Variants in CPE observed in about 807,000 individuals in gnomAD.
The protein encoded by CPE is carboxypeptidase E, also known as carbocypeptidase E.
Under a neutral mutation model 53.5 loss-of-function variants are expected in CPE, and 17 were observed. The observed-to-expected ratio is 0.32, with a 90% confidence interval of 0.22 to 0.48. The LOEUF (loss-of-function observed/expected upper bound fraction) is 0.48. CPE is among the 20% of genes least tolerant of loss of function. CPE has a pLI of 0.99. For missense variants in CPE, 524 were observed against 614.7 expected (o/e 0.85, Z 1.56); for synonymous variants, 226 against 228.8 (o/e 0.99, Z 0.11).
chr4:165,497,079 G>A (rs1732715250), intron 8 of CPE, among the ~76,000 whole-genome samples: 1 of 152,022 alleles, frequency 6.6e-6, no homozygotes, highest in African/African-American at 2.4e-5. Context: ...GCGCCACCGT[G>A]CCCGGCTAAT....
At chr4:165,397,808 A>G (rs1730793360) in intron 1 of CPE, among the ~76,000 whole-genome samples, 1 of 151,960 alleles carries the variant, frequency 6.6e-6, no homozygotes, top group Non-Finnish European at 1.5e-5. Context: ...TGGGAGGCCA[A>G]CGTGGGAGGA....
chr4:165,405,543 G>A, intron 1 of CPE: 2 of 946,804 alleles, frequency 2.1e-6, no homozygotes, highest in Non-Finnish European at 3.5e-6. Flanking sequence ...CTGACAAATG[G>A]AATAGTCATG....
chr4:165,426,914 C>T (rs1419248878), intron 1 of CPE, among the ~76,000 whole-genome samples: 1 of 152,134 alleles, frequency 6.6e-6, no homozygotes, highest in African/African-American at 2.4e-5. Context: ...AGAGAGCGGG[C>T]CTGAAAGAGA....
chr4:165,445,550 A>T (rs1731698314), intron 1 of CPE, among the ~76,000 whole-genome samples: 1 of 152,222 alleles, frequency 6.6e-6, no homozygotes, highest in Admixed American at 6.5e-5. Context: ...ACAGAAGTAG[A>T]AAAATGTTCT....
Position 165,467,689 on chromosome 4 carries a change from C to G in CPE, c.506C>G (p.Pro169Arg), listed in dbSNP as rs898866656. 2.0e-5 allele frequency: 32 copies of G among 1,563,306 alleles called. No homozygotes were observed. The highest frequency in any genetic ancestry group is 2.8e-5 in the Non-Finnish European group (32 of 1,161,168). The change falls in exon 3 of 9, where the codon CCT becomes CGT. Residue 169 changes from proline (P) to arginine (R), a missense_variant and splice_region_variant. By Grantham distance (103) the Pro-to-Arg change is moderately radical. Transcript: ENST00000402744. Reference protein sequence around the residue: ...PDGFEKAASQPGELKDWFVGR... With the variant: ...PDGFEKAASQRGELKDWFVGR... ...TCTCTTTGACTTTTTTTTTTTTAGC[C>G]TGGTGAACTCAAGGACTGGTTTGTG...
intron 1 of CPE, among the ~76,000 whole-genome samples, chr4:165,424,696 G>C (rs1579255137): frequency 6.6e-6 from 1 of 151,860 alleles, no homozygotes; most frequent in East Asian, 1.9e-4. Context: ...ACCACGCCCG[G>C]CTAATTTTTT....
intron 1 of CPE, among the ~76,000 whole-genome samples, chr4:165,392,150 T>G (rs528920774): frequency 3.3e-5 from 5 of 149,916 alleles, no homozygotes; most frequent in Admixed American, 1.3e-4. Context: ...ACGGTAAAAC[T>G]ATTTGGGATG....
chr4:165,482,935 T>C (rs1732439738), intron 4 of CPE, among the ~76,000 whole-genome samples: 1 of 152,180 alleles, frequency 6.6e-6, no homozygotes, highest in Admixed American at 6.5e-5. Context: ...GGGAATTTCC[T>C]GCTTTGGATC....
intron 1 of CPE, among the ~76,000 whole-genome samples, chr4:165,415,781 T>C (rs946497839): frequency 1.3e-5 from 2 of 152,066 alleles, no homozygotes; most frequent in Non-Finnish European, 1.5e-5. Context: ...ATACATATAG[T>C]ACATATTTGT....
At chr4:165,489,738 A>T (rs73863707) in intron 6 of CPE, among the ~76,000 whole-genome samples, 6,301 of 152,344 alleles carry the variant, frequency 0.041, 397 homozygotes, top group African/African-American at 0.14. Context: ...ACCATCAGGA[A>T]AAAGGAGATT....
intron 6 of CPE, among the ~76,000 whole-genome samples, chr4:165,491,618 T>A (rs1732606878): frequency 6.6e-6 from 1 of 152,338 alleles, no homozygotes; most frequent in East Asian, 1.9e-4. Context: ...CTTAAATTTT[T>A]AAAAATATAT....
intron 5 of CPE, 57 bp from the exon 6 acceptor site, chr4:165,487,381 G>C: frequency 6.2e-7 from 1 of 1,605,442 alleles, no homozygotes; most frequent in Non-Finnish European, 8.5e-7. Context: ...AGACTAGCCT[G>C]TGTAGAGTTT....
At chr4:165,431,534 A>T (rs1560880196) in intron 1 of CPE, among the ~76,000 whole-genome samples, 1 of 152,196 alleles carries the variant, frequency 6.6e-6, no homozygotes, top group Non-Finnish European at 1.5e-5. Flanking sequence ...AGCTCCCTTA[A>T]GTAAGGACAC....
intron 1 of CPE, among the ~76,000 whole-genome samples, chr4:165,415,846 C>G (rs1366961458): frequency 6.6e-6 from 1 of 150,836 alleles, no homozygotes; most frequent in Admixed American, 6.6e-5. Context: ...TATAGAAGTC[C>G]TGTGTCTTCC....
chr4:165,457,914 C>T (rs1052173631), intron 1 of CPE, among the ~76,000 whole-genome samples: 4 of 152,088 alleles, frequency 2.6e-5, no homozygotes, highest in African/African-American at 9.7e-5. Flanking sequence ...TTATTGGACC[C>T]CTGGTGACTT....
rs144727363 is a variant in CPE at position 165,467,748 on chromosome 4, C to T, written c.565C>T (p.Arg189Trp). ...CAATGCCCAGGGAATAGATCTGAACCGGAACTTTCCAGACCTGGATAGGAT... is the reference window on the plus strand; with the variant it reads ...CAATGCCCAGGGAATAGATCTGAACTGGAACTTTCCAGACCTGGATAGGAT... ...RSNAQGIDLN[R>W]NFPDLDRIVY... Residue 189 changes from arginine (R) to tryptophan (W), a missense_variant, in exon 3 of 9, where the codon CGG becomes TGG. Transcript: ENST00000402744. 1.9e-5 allele frequency: 30 copies of T among 1,613,176 alleles called. No individual in the cohort carries two copies. Among genetic ancestry groups the T allele is most frequent in the African/African-American group, 2.7e-5 (2 of 74,814 alleles).
rs1343586449 is a variant in CPE, at chr4:165,481,273, T to C, written c.673-969T>C. On this transcript the variant is annotated intron_variant, in intron 3 of 8. Transcript: ENST00000402744. ...AACTTTCAGATTCCTCCTTGTGAAA[T>C]GGGTATGAATATCTTTGCATATCCA... is the stretch of plus-strand genomic sequence containing the variant. 5.3e-5 allele frequency among the ~76,000 whole-genome samples: 8 copies of C among 152,298 alleles called. No individual in the cohort carries two copies. In the East Asian group the frequency reaches 1.5e-3, roughly 29 times the overall value.
chr4:165,392,104 G>A (rs528214639), intron 1 of CPE, among the ~76,000 whole-genome samples: 1 of 151,244 alleles, frequency 6.6e-6, no homozygotes, highest in East Asian at 1.9e-4. Flanking sequence ...GCAGTTTTGG[G>A]GGTGCTGTGC....
intron 1 of CPE, among the ~76,000 whole-genome samples, chr4:165,428,675 C>G (rs1731361141): frequency 1.3e-5 from 2 of 152,160 alleles, no homozygotes; most frequent in South Asian, 4.1e-4. Flanking sequence ...ATCAGAGTCT[C>G]TAAGGGAGAA....
Sources: allele counts gnomAD v4.1 joint callset (sites outside exome capture counted in the v4.1 genomes callset), GRCh38; gene constraint gnomAD v4.1.1; transcripts MANE v1.5; gene names NCBI Gene and HGNC (gene_info 2026-07-23, HGNC 2026-07-21).